Variants in SLC35A3 observed in about 807,000 individuals in gnomAD.
SLC35A3 encodes the protein solute carrier family 35 member A3, also known as UDP-N-acetylglucosamine transporter.
Under a neutral mutation model 39.0 loss-of-function variants are expected in SLC35A3, and 26 were observed. The ratio of observed to expected loss-of-function variants is 0.67; its 90% confidence interval spans 0.49 to 0.92. The LOEUF (loss-of-function observed/expected upper bound fraction) is 0.92. Ranked by LOEUF, SLC35A3 falls within the 40% of genes least tolerant of loss-of-function variation. SLC35A3 has a pLI of 0.00. For missense variants in SLC35A3, 299 were observed against 371.6 expected, an observed-to-expected ratio of 0.80 and a Z score of 1.61; for synonymous variants, 135 against 133.1, an observed-to-expected ratio of 1.01 and a Z score of -0.10.
chr1:100,035,128 T>C lies in SLC35A3; in HGVS notation c.*12652T>C, dbSNP rs1372200214. On this transcript the variant is annotated 3_prime_UTR_variant, in exon 8 of 8. Transcript: ENST00000533028. ...GGACTTCCGTGGATATCCAAATCAGTGGATGCTAAAGTCCCTTACATAAAA... is the reference window on the plus strand; with the variant it reads ...GGACTTCCGTGGATATCCAAATCAGCGGATGCTAAAGTCCCTTACATAAAA... 1 of 152,188 alleles carries C rather than the reference T, an allele frequency of 6.6e-6. No individual in the cohort carries two copies. Among genetic ancestry groups the C allele is most frequent in the Non-Finnish European group, 1.5e-5 (1 of 68,024 alleles). 9.4% of individuals were successfully genotyped at this position (152,188 alleles called of 1,614,324 possible). A position where few individuals can be genotyped will look rare whatever the true frequency, so the allele number is the denominator to read the frequency against.
chr1:100,023,558 C>T lies in SLC35A3; in HGVS notation c.*1082C>T, dbSNP rs1315683818. 1 of 152,188 alleles carries T rather than the reference C, an allele frequency of 6.6e-6. No homozygotes were observed. The highest frequency in any genetic ancestry group is 1.5e-5 in the Non-Finnish European group (1 of 68,038). The allele number at this position is 152,188 out of a possible 1,614,324, so 9.4% of individuals were successfully genotyped here. A position where few individuals can be genotyped will look rare whatever the true frequency, so the allele number is the denominator to read the frequency against. ...CAAAATGACTTTTCTTGGAGACATT[C>T]CAGATTGCCATATTACTTTATTTTA... On this transcript the variant is annotated 3_prime_UTR_variant, in exon 8 of 8. Transcript: ENST00000533028.
intron 4 of SLC35A3, chr1:100,008,669 C>T (rs1410283107): frequency 6.6e-6 from 1 of 152,238 alleles, no homozygotes. Context: ...CCTTTCTTTG[C>T]CTGGCTAACT....
chr1:99,971,183 TCGGC>T (rs1288383220), intron 1 of SLC35A3, among the ~76,000 whole-genome samples: 1 of 152,206 alleles, frequency 6.6e-6, no homozygotes, highest in African/African-American at 2.4e-5. Context: ...TGACTCTCGA[TCGGC>T]TTCAGAATAA....
At chr1:99,984,607 G>A (rs1657643713) in intron 1 of SLC35A3, among the ~76,000 whole-genome samples, 1 of 152,164 alleles carries the variant, frequency 6.6e-6, no homozygotes, top group South Asian at 2.1e-4. Flanking sequence ...CTAGTAGCAG[G>A]ATTGCTGGAT....
At chr1:99,995,280 G>A (rs1658338764) in intron 2 of SLC35A3, among the ~76,000 whole-genome samples, 1 of 151,786 alleles carries the variant, frequency 6.6e-6, no homozygotes. Context: ...AGCCTCCCGA[G>A]TAGCTGTGAT....
intron 1 of SLC35A3, among the ~76,000 whole-genome samples, chr1:99,971,699 C>T (rs146038466): frequency 1.1e-3 from 170 of 152,262 alleles, no homozygotes; most frequent in African/African-American, 4.0e-3. Context: ...GTTAATTAGA[C>T]GTCCAGTTTC....
intron 3 of SLC35A3, among the ~76,000 whole-genome samples, chr1:100,001,057 A>G (rs184368021): frequency 1.2e-4 from 19 of 152,112 alleles, no homozygotes; most frequent in African/African-American, 3.9e-4. Flanking sequence ...ATTTTGTTCC[A>G]TTGGTCTTTG....
chr1:99,993,571 A>T lies in SLC35A3; in HGVS notation c.17A>T (p.Lys6Ile). 6.2e-7 allele frequency: 1 copy of T among 1,613,740 alleles called. No homozygotes were observed. Among genetic ancestry groups the T allele is most frequent in the Non-Finnish European group, 8.5e-7 (1 of 1,179,876 alleles). Residue 6 changes from lysine to isoleucine, a missense_variant, in exon 2 of 8, where the codon AAA becomes ATA. Coordinates refer to ENST00000533028, the MANE Select transcript of SLC35A3 (RefSeq NM_012243.3). ...GATAAAACAATGTTCGCCAACCTAA[A>T]ATACGTTTCCCTGGGAATTTTGGTC... MFANLKYVSLGILVFQ... is the reference protein window; with the variant it reads MFANLIYVSLGILVFQ...
intron 3 of SLC35A3, 33 bp from the exon 4 acceptor site, chr1:100,006,993 AAACAAACG>A: frequency 6.4e-7 from 1 of 1,555,196 alleles, no homozygotes; most frequent in Non-Finnish European, 8.7e-7. Context: ...ACAAACAAAC[AAACAAACG>A]AACATTAATA....
In SLC35A3 at chr1:99,999,429, ATTTC is replaced by A. The variant is rs749856229; in HGVS notation, c.342+22_342+25del. ...GCTACTTATCAGGTACTTAAAATAC[ATTTC>A]TTTCTTTTTTAAAAAAACTTTTTTC... On this transcript the variant is annotated intron_variant, in intron 3 of 7. Transcript: ENST00000533028. The A allele has an allele frequency of 2.6e-6, 4 of 1,556,664 alleles. No homozygotes were observed. Among genetic ancestry groups the A allele is most frequent in the African/African-American group, 1.4e-5 (1 of 71,822 alleles).
intron 5 of SLC35A3, among the ~76,000 whole-genome samples, chr1:100,014,141 A>G (rs1036709560): frequency 6.6e-6 from 1 of 152,206 alleles, no homozygotes; most frequent in Non-Finnish European, 1.5e-5. Context: ...ACAGAATCTA[A>G]TGATTTCTAT....
At chr1:99,973,466 C>T (rs1656931034) in intron 1 of SLC35A3, among the ~76,000 whole-genome samples, 1 of 152,110 alleles carries the variant, frequency 6.6e-6, no homozygotes, top group Non-Finnish European at 1.5e-5. Flanking sequence ...ATCATTGTTT[C>T]TTTAATGTAT....
At chr1:100,016,375 ATTT>A (rs35656354) in intron 6 of SLC35A3, among the ~76,000 whole-genome samples, 3 of 81,168 alleles carry the variant, frequency 3.7e-5, no homozygotes, top group Non-Finnish European at 8.5e-5. Flanking sequence ...GGATACTTCT[ATTT>A]TTTTTTTTTT....
In SLC35A3 at chr1:99,995,454, T is replaced by A. The variant is rs796434970; in HGVS notation, c.187+1713T>A. On this transcript the variant is annotated intron_variant, in intron 2 of 7. Transcript: ENST00000533028. ...AGGAGTGAGCCACCACACCTGGCCC[T>A]TTTTGTGTATTTTCTTTCGAACTAC... Among the ~76,000 whole-genome samples, 9 of 152,092 alleles carry A rather than the reference T, an allele frequency of 5.9e-5. No individual in the cohort carries two copies. In the South Asian group the frequency reaches 1.2e-3, roughly 21 times the overall value.
In SLC35A3 at chr1:100,032,447, T is replaced by A. The variant is rs911719616; in HGVS notation, c.*9971T>A. 7.9e-5 allele frequency: 12 copies of A among 152,088 alleles called. No individual in the cohort carries two copies. The highest frequency in any genetic ancestry group is 2.1e-4 in the South Asian group (1 of 4,824). The allele number at this position is 152,088 out of a possible 1,614,324, so 9.4% of individuals were successfully genotyped here. A position where few individuals can be genotyped will look rare whatever the true frequency, so the allele number is the denominator to read the frequency against. On this transcript the variant is annotated 3_prime_UTR_variant, in exon 8 of 8. Coordinates refer to ENST00000533028, the MANE Select transcript of SLC35A3 (RefSeq NM_012243.3). ...AAAAAAGACCATGTCTTCATGAATTTAAAAAAAATTACTCAATATATTATA... is the reference window on the plus strand; with the variant it reads ...AAAAAAGACCATGTCTTCATGAATTAAAAAAAAATTACTCAATATATTATA...
chr1:100,016,412 T>C (rs760023121), intron 6 of SLC35A3, among the ~76,000 whole-genome samples: 177 of 138,006 alleles, frequency 1.3e-3, no homozygotes, highest in Admixed American at 4.1e-3. Context: ...CTCGCTCTGT[T>C]GCCCAGGCTG....
Position 100,011,547 on chromosome 1 carries a change from G to T in SLC35A3, c.634+14G>T. 2 of 1,071,776 alleles carry T rather than the reference G, an allele frequency of 1.9e-6. No homozygotes were observed. Among genetic ancestry groups the T allele is most frequent in the Non-Finnish European group, 2.6e-6 (2 of 765,092 alleles). The allele number at this position is 1,071,776 out of a possible 1,614,324, so 66.4% of individuals were successfully genotyped here. A position where few individuals can be genotyped will look rare whatever the true frequency, so the allele number is the denominator to read the frequency against. On this transcript the variant is annotated intron_variant, in intron 5 of 7. Transcript: ENST00000533028. ...ATATTCAGCTTGGTAAGTTTTAAAT[G>T]TTTTCTAATATTATTTTAAAAATGA...
At chr1:99,986,258 G>A (rs1422414547) in intron 1 of SLC35A3, among the ~76,000 whole-genome samples, 6 of 148,662 alleles carry the variant, frequency 4.0e-5, no homozygotes, top group East Asian at 2.0e-4. Context: ...TCGACCTCCC[G>A]AGCTCAAGTG....
At position 100,026,877 on chromosome 1, in the gene SLC35A3, CTTT is replaced by C. The variant is rs994810355; in HGVS notation, c.*4404_*4406del. 1 of 275,002 alleles carries C rather than the reference CTTT, an allele frequency of 3.6e-6. No homozygotes were observed. The highest frequency in any genetic ancestry group is 6.7e-6 in the Non-Finnish European group (1 of 149,668). The allele number at this position is 275,002 out of a possible 1,614,324, so 17.0% of individuals were successfully genotyped here. Reference sequence around the variant, plus strand: ...TATAAATTGGTCTTTTGTTAAATGGCTTTTTAATTGATAAACTTCTCTTGTCAT... The same window carrying C: ...TATAAATTGGTCTTTTGTTAAATGGCTTAATTGATAAACTTCTCTTGTCAT... On this transcript the variant is annotated 3_prime_UTR_variant, in exon 8 of 8. Transcript: ENST00000533028.
Sources: allele counts gnomAD v4.1 joint callset (sites outside exome capture counted in the v4.1 genomes callset), GRCh38; gene constraint gnomAD v4.1.1; transcripts MANE v1.5; gene names NCBI Gene and HGNC (gene_info 2026-07-23, HGNC 2026-07-21).